TACC2: variants seen among roughly 807,000 people sequenced by gnomAD.
TACC2 encodes transforming acidic coiled-coil-containing protein 2.
TACC2 carries 137 observed loss-of-function variants against 227.3 expected under a neutral mutation model. The ratio of observed to expected loss-of-function variants is 0.60; its 90% CI spans 0.52 to 0.69. TACC2 has a LOEUF of 0.69. TACC2 is among the 30% of genes least tolerant of loss of function. The pLI is 0.00. For synonymous variants in TACC2, 1,523 were observed against 1,487.5 expected, an observed-to-expected ratio of 1.02 and a Z score of -0.55; for missense variants, 3,470 against 3,694.4, an observed-to-expected ratio of 0.94 and a Z score of 1.57.
At chr10:121,990,541 G>GCC (rs10632388) in intron 1 of TACC2, among the ~76,000 whole-genome samples, 54,275 of 151,744 alleles carry the variant, frequency 0.36, 9,981 homozygotes, top group African/African-American at 0.41. Context: ...TTAATTTTCT[G>GCC]CCCAAGTACG....
At chr10:122,131,126 C>T (rs112752338) in intron 5 of TACC2, among the ~76,000 whole-genome samples, 3,655 of 149,550 alleles carry the variant, frequency 0.024, 161 homozygotes, top group African/African-American at 0.084. Flanking sequence ...TACAGTGAGC[C>T]GTCATGGAGC....
At chr10:122,008,897 T>A (rs2135285747) in intron 1 of TACC2, among the ~76,000 whole-genome samples, 1 of 152,326 alleles carries the variant, frequency 6.6e-6, no homozygotes, top group Non-Finnish European at 1.5e-5. Flanking sequence ...AAATTCCATG[T>A]GCTTTGAAAT....
At chr10:122,047,597 G>T (rs141129477) in intron 2 of TACC2, among the ~76,000 whole-genome samples, 12 of 152,198 alleles carry the variant, frequency 7.9e-5, no homozygotes, top group African/African-American at 1.4e-4. Flanking sequence ...AAACAGAGAC[G>T]CCCTGTCCTG....
At chr10:122,160,538 T>TGTGG (rs568359856) in intron 7 of TACC2, among the ~76,000 whole-genome samples, 1 of 150,682 alleles carries the variant, frequency 6.6e-6, no homozygotes, top group East Asian at 2.0e-4. Context: ...AGTGTGTGTG[T>TGTGG]GGGGGGGGTC....
At chr10:122,116,009 T>G (rs2084637206) in intron 5 of TACC2, among the ~76,000 whole-genome samples, 1 of 152,140 alleles carries the variant, frequency 6.6e-6, no homozygotes, top group Non-Finnish European at 1.5e-5. Flanking sequence ...CTAGCTGTGT[T>G]TTTTTTCTGC....
intron 3 of TACC2, among the ~76,000 whole-genome samples, chr10:122,075,348 G>T (rs571818636): frequency 7.8e-6 from 1 of 128,464 alleles, no homozygotes; most frequent in Admixed American, 7.4e-5. Context: ...GATGGGGAAG[G>T]CTGGCCCAGG....
At chr10:122,102,458 C>A (rs2082282087) in intron 5 of TACC2, among the ~76,000 whole-genome samples, 1 of 152,186 alleles carries the variant, frequency 6.6e-6, no homozygotes, top group Non-Finnish European at 1.5e-5. Context: ...CCTGGCCCTG[C>A]CAAACCCTCA....
chr10:122,087,395 G>A lies in TACC2; in HGVS notation c.4895G>A (p.Cys1632Tyr), dbSNP rs1591840039. The A allele has an allele frequency of 6.2e-7, 1 of 1,614,046 alleles. No homozygotes were observed. Among genetic ancestry groups the A allele is most frequent in the Non-Finnish European group, 8.5e-7 (1 of 1,180,046 alleles). The change falls in exon 4 of 23, where the codon TGT becomes TAT. Residue 1632 changes from cysteine (C) to tyrosine (Y), a missense_variant. Transcript: ENST00000369005. ...CCAGGACATGTGCCAAGGTCCACGTGTGCCCCTTCTCCTCAGAGGGAGGTT... is the reference window on the plus strand; with the variant it reads ...CCAGGACATGTGCCAAGGTCCACGTATGCCCCTTCTCCTCAGAGGGAGGTT... The part of the protein sequence containing the change: ...GVPGHVPRST[C>Y]APSPQREVLT...
chr10:122,151,495 C>T (rs989984441), intron 7 of TACC2, among the ~76,000 whole-genome samples: 3 of 152,058 alleles, frequency 2.0e-5, no homozygotes, highest in Admixed American at 6.6e-5. Flanking sequence ...CGGTCTCAGA[C>T]AGAGCAGCAG....
chr10:122,173,094 A>G (rs568940202), intron 7 of TACC2, among the ~76,000 whole-genome samples: 10 of 152,294 alleles, frequency 6.6e-5, no homozygotes, highest in African/African-American at 2.4e-4. Flanking sequence ...TAGAGAAAAG[A>G]GGGCATATAT....
At chr10:122,201,587 C>G (rs565901269) in intron 8 of TACC2, among the ~76,000 whole-genome samples, 101 of 152,358 alleles carry the variant, frequency 6.6e-4, no homozygotes, top group African/African-American at 2.4e-3. Flanking sequence ...GGCCCCAACC[C>G]TCTGGACGCA....
At chr10:122,168,270 A>G (rs1171016160) in intron 7 of TACC2, among the ~76,000 whole-genome samples, 1 of 152,142 alleles carries the variant, frequency 6.6e-6, no homozygotes, top group Non-Finnish European at 1.5e-5. Context: ...CTTAAACGAC[A>G]GCATTCCTAA....
rs569726041 is a variant in TACC2 at position 122,016,263 on chromosome 10, A to C, written c.-45-5674A>C. 2.8e-5 allele frequency among the ~76,000 whole-genome samples: 3 copies of C among 108,372 alleles called. No homozygotes were observed. The South Asian group carries it at 8.0e-4, about 29-fold the overall frequency. 71.1% of individuals were successfully genotyped at this position (108,372 alleles called of 152,430 possible). On this transcript the variant is annotated intron_variant, in intron 1 of 22. Coordinates refer to ENST00000369005, the MANE Select transcript of TACC2 (RefSeq NM_206862.4). Reference sequence around the variant, plus strand: ...GGTGACAGAGTGAGACCCTGTCTGAAAAAAAAAAGGAAAAAAAAAAAAAAG... The same window carrying C: ...GGTGACAGAGTGAGACCCTGTCTGACAAAAAAAAGGAAAAAAAAAAAAAAG...
chr10:122,025,452 G>A (rs1327035405), intron 2 of TACC2, among the ~76,000 whole-genome samples: 3 of 151,934 alleles, frequency 2.0e-5, no homozygotes, highest in African/African-American at 7.3e-5. Context: ...TAGTAGAGAC[G>A]AGGTTTCACT....
chr10:122,090,105 T>A (rs2080582481), intron 5 of TACC2, among the ~76,000 whole-genome samples: 1 of 152,212 alleles, frequency 6.6e-6, no homozygotes, highest in South Asian at 2.1e-4. Flanking sequence ...GTTAGCACCT[T>A]CTTGGAGAAG....
chr10:122,054,010 C>T (rs1423136966), intron 3 of TACC2, among the ~76,000 whole-genome samples: 2 of 152,188 alleles, frequency 1.3e-5, no homozygotes, highest in Non-Finnish European at 2.9e-5. Context: ...TCCCTCTGCT[C>T]AGGCATCATC....
At chr10:122,030,101 A>T (rs932299555) in intron 2 of TACC2, among the ~76,000 whole-genome samples, 1 of 152,176 alleles carries the variant, frequency 6.6e-6, no homozygotes, top group East Asian at 1.9e-4. Context: ...ATTATCCAGC[A>T]CAAAATGTCA....
In TACC2 at chr10:122,068,889, G is replaced by A. The variant is rs1244308725; in HGVS notation, c.147-13758G>A. Among the ~76,000 whole-genome samples, 7 of 140,160 alleles carry A rather than the reference G, an allele frequency of 5.0e-5. No homozygotes were observed. The South Asian group carries it at 1.6e-3, about 32-fold the overall frequency. 92.0% of individuals were successfully genotyped at this position (140,160 alleles called of 152,430 possible). On this transcript the variant is annotated intron_variant, in intron 3 of 22. Coordinates refer to ENST00000369005, the MANE Select transcript of TACC2 (RefSeq NM_206862.4). ...TTTTTTTTGTATTTTTAGTAGAGAC[G>A]AGGTTTCACCATATTGGCTTGGCTG...
Position 122,150,085 on chromosome 10 carries a change from G to C in TACC2, c.5834+6379G>C, listed in dbSNP as rs945887165. Among the ~76,000 whole-genome samples the C allele has an allele frequency of 6.6e-6, 1 of 152,194 alleles. No homozygotes were observed. Among genetic ancestry groups the C allele is most frequent in the Non-Finnish European group, 1.5e-5 (1 of 68,044 alleles). On this transcript the variant is annotated intron_variant, in intron 7 of 22. Transcript: ENST00000369005. This position sits in a 1 kb window ranked among gnomAD's most constrained non-coding sequence, Gnocchi z 4.0. ...GTTAGATGGTGGCTCCCTCAGTTCC[G>C]TGGGCCCAGGTCTGCAGTTCTTTTC... is the stretch of plus-strand genomic sequence containing the variant.
Sources: allele counts gnomAD v4.1 joint callset (sites outside exome capture counted in the v4.1 genomes callset), GRCh38; gene constraint gnomAD v4.1.1; non-coding constraint Gnocchi (gnomAD v3.1); transcripts MANE v1.5; gene names NCBI Gene and HGNC (gene_info 2026-07-23, HGNC 2026-07-21).